ERCC5: variants seen among roughly 807,000 people sequenced by gnomAD.
ERCC5 encodes DNA excision repair protein ERCC-5.
A neutral mutation model predicts 105.6 loss-of-function variants in ERCC5; 68 were observed. That is an observed-to-expected ratio of 0.64 (90% CI 0.53 to 0.79). ERCC5 has a LOEUF of 0.79. Ranked by LOEUF, ERCC5 falls within the 30% of genes least tolerant of loss-of-function variation. ERCC5 has a pLI of 0.00. For synonymous variants in ERCC5, 546 were observed against 526.2 expected (o/e 1.04, Z -0.51); for missense variants, 1,373 against 1,426.7 (o/e 0.96, Z 0.61).
rs570321828 is a variant in ERCC5 at position 102,852,196 on chromosome 13, T to G, written c.167T>G (p.Leu56Arg). The change falls in exon 2 of 15, where the codon CTC (leucine) becomes CGC (arginine). Residue 56 changes from leucine to arginine, a missense_variant. Physicochemically the swap from Leu to Arg is moderately radical, Grantham distance 102. Around this residue, in one of 3 missense-constraint regions of ERCC5, gnomAD observed 1,004 missense variants for 1,059.7 expected, o/e 0.95. Transcript: ENST00000652225. The part of the protein sequence containing the change: ...HGNSIENPHL[L>R]TLFHRLCKLL... ...AACTCAATAGAAAATCCTCATCTTC[T>G]CACTTTGTTTCATCGGCTCTGCAAA... 2.5e-6 allele frequency: 4 copies of G among 1,614,180 alleles called. No individual in the cohort carries two copies. The East Asian group carries it at 6.7e-5, about 27-fold the overall frequency.
intron 14 of ERCC5, chr13:102,874,625 C>T (rs1883138592): frequency 6.6e-6 from 1 of 152,356 alleles, no homozygotes; most frequent in East Asian, 1.9e-4. Context: ...GGGTTCACGC[C>T]ATTCTCCTGC....
intron 12 of ERCC5, among the ~76,000 whole-genome samples, chr13:102,870,776 C>T (rs543610368): frequency 5.4e-4 from 82 of 152,314 alleles, no homozygotes; most frequent in Admixed American, 2.0e-3. Context: ...ATCGGTGAGG[C>T]GGACCCTGGC....
chr13:102,853,823 A>T lies in ERCC5; in HGVS notation c.331A>T (p.Lys111Ter). The change falls in exon 3 of 15, where the codon AAA becomes TAA. Residue 111 changes from lysine (K) to a stop codon, truncating the protein, a stop_gained. Transcript: ENST00000652225. LOFTEE classifies it high-confidence loss of function. ...CAGGAAAACGACAGAGAAGCTTCTG[A>T]AAACATTTTTGAAAAGACAAGCCAT... Reference protein sequence around the residue: ...DSRKTTEKLLKTFLKRQAIKT... With the variant: ...DSRKTTEKLL 6.2e-7 allele frequency: 1 copy of T among 1,614,248 alleles called. No homozygotes were observed. Among genetic ancestry groups the T allele is most frequent in the Non-Finnish European group, 8.5e-7 (1 of 1,180,042 alleles).
chr13:102,861,465 TTAATA>T, intron 6 of ERCC5, 37 bp from the exon 7 acceptor site: 1 of 1,601,298 alleles, frequency 6.2e-7, no homozygotes, highest in Non-Finnish European at 8.5e-7. Context: ...TTATCTGTAT[TTAATA>T]TAAAACAGTA....
In ERCC5 at chr13:102,862,406, G is replaced by A. The variant is rs371251823; in HGVS notation, c.1257G>A (p.Met419Ile). ...CGGGAGGGCCAGGAGCAGAAGAAAT[G>A]CGTATAAACAGCTCCACCGAGAACA... is the stretch of plus-strand genomic sequence containing the variant. ...VQTGGPGAEE[M>I]RINSSTENSD... Residue 419 changes from methionine to isoleucine, a missense_variant, in exon 8 of 15, where the codon ATG (methionine) becomes ATA (isoleucine). This residue lies in a region of ERCC5 where 1,004 missense variants were observed against 1,059.7 expected (regional missense o/e 0.95). Coordinates refer to ENST00000652225, the MANE Select transcript of ERCC5 (RefSeq NM_000123.4). 10 of 1,603,208 alleles carry A rather than the reference G, an allele frequency of 6.2e-6. No individual in the cohort carries two copies. The African/African-American group carries it at 1.3e-4, about 20-fold the overall frequency.
chr13:102,856,006 G>T (rs759787285), intron 4 of ERCC5, 46 bp from the exon 5 acceptor site: 6 of 1,579,014 alleles, frequency 3.8e-6, no homozygotes, highest in Non-Finnish European at 3.5e-6. Flanking sequence ...TTTTGTAAGG[G>T]GTCCTTAAAA....
chr13:102,848,906 T>A (rs1998874), intron 1 of ERCC5, among the ~76,000 whole-genome samples: 88,621 of 151,946 alleles, frequency 0.58, 26,630 homozygotes, highest in African/African-American at 0.66. Context: ...ATAAAAGAAG[T>A]CCTACCTCAG....
At chr13:102,857,461 G>T (rs942699952) in intron 5 of ERCC5, among the ~76,000 whole-genome samples, 7 of 152,178 alleles carry the variant, frequency 4.6e-5, no homozygotes, top group African/African-American at 1.7e-4. Flanking sequence ...GCAGTGACAG[G>T]TCTGTCCTAC....
intron 6 of ERCC5, among the ~76,000 whole-genome samples, chr13:102,859,672 TGTAGGGTGGTGTGGA>T (rs1882550400): frequency 6.6e-6 from 1 of 152,238 alleles, no homozygotes; most frequent in African/African-American, 2.4e-5. Flanking sequence ...AGTGGTGGAC[TGTAGGGTGGTGTGGA>T]GTAGCAGCTT....
chr13:102,861,573 A>G lies in ERCC5; in HGVS notation c.739A>G (p.Ile247Val), dbSNP rs200504271. The G allele has an allele frequency of 1.8e-4, 298 of 1,614,212 alleles. 1 individual carries two copies. Among genetic ancestry groups the G allele is most frequent in the Non-Finnish European group, 2.1e-4 (249 of 1,180,022 alleles). Residue 247 changes from isoleucine to valine, a missense_variant, in exon 7 of 15, where the codon ATA (isoleucine) becomes GTA (valine). Physicochemically the swap from Ile to Val is conservative, Grantham distance 29 (BLOSUM62 3). Around this residue, in one of 3 missense-constraint regions of ERCC5, gnomAD observed 1,004 missense variants for 1,059.7 expected, o/e 0.95. Transcript: ENST00000652225. ...TAAAAAGAACTATCTGAACCAGCAT[A>G]TAGAACATGTCCAAAAGGAAATGAA... is the stretch of plus-strand genomic sequence containing the variant. ...LLKKNYLNQH[I>V]EHVQKEMNQQ...
intron 1 of ERCC5, among the ~76,000 whole-genome samples, chr13:102,847,350 A>G (rs11619749): frequency 0.48 from 69,132 of 144,880 alleles, 17,986 homozygotes; most frequent in Non-Finnish European, 0.6. Context: ...GTGATACCTT[A>G]CACCAATTTC....
At chr13:102,852,825 A>T (rs1006187015) in intron 2 of ERCC5, among the ~76,000 whole-genome samples, 20 of 152,210 alleles carry the variant, frequency 1.3e-4, no homozygotes, top group Admixed American at 2.6e-4. Flanking sequence ...TTGTTCTGGA[A>T]GTAGTTTTAA....
At chr13:102,856,424 C>G (rs1488445996) in intron 5 of ERCC5, among the ~76,000 whole-genome samples, 3 of 152,168 alleles carry the variant, frequency 2.0e-5, no homozygotes, top group Non-Finnish European at 2.9e-5. Flanking sequence ...ACATATCATT[C>G]ATAAATAACT....
chr13:102,850,748 G>T (rs1882171091), intron 1 of ERCC5, among the ~76,000 whole-genome samples: 1 of 152,132 alleles, frequency 6.6e-6, no homozygotes, highest in Non-Finnish European at 1.5e-5. Flanking sequence ...GAGGTATGGG[G>T]TAGAGACGTC....
At position 102,862,806 on chromosome 13, in the gene ERCC5, GA is replaced by G; in HGVS notation, c.1658del (p.Glu553GlyfsTer37). ...LEQQNELCPY[E>X]SKFDSSLLSS... ...GCAGCAGAACGAACTTTGCCCATAT[GA>G]GAGTAAATTCGATTCTTCTCTTCTT... On this transcript the variant is annotated frameshift_variant, in exon 8 of 15. Transcript: ENST00000652225. LOFTEE classifies it high-confidence loss of function. 6.2e-6 allele frequency: 10 copies of G among 1,614,222 alleles called. No individual in the cohort carries two copies. Among genetic ancestry groups the G allele is most frequent in the Non-Finnish European group, 8.5e-6 (10 of 1,180,040 alleles).
At chr13:102,858,229 G>A (rs1415119572) in intron 5 of ERCC5, 46 bp from the exon 6 acceptor site, 1 of 1,612,018 alleles carries the variant, frequency 6.2e-7, no homozygotes, top group Admixed American at 1.7e-5. Flanking sequence ...ATAGAACTAA[G>A]TGTATGAAAT....
chr13:102,846,506 G>A, intron 1 of ERCC5, 152 bp downstream of exon 1: 1 of 714,108 alleles, frequency 1.4e-6, no homozygotes, highest in Non-Finnish European at 2.5e-6. Context: ...GGTTTTCTAA[G>A]TACAGTCGTC....
chr13:102,874,077 C>CT (rs1236705619), intron 14 of ERCC5, among the ~76,000 whole-genome samples: 1 of 152,172 alleles, frequency 6.6e-6, no homozygotes, highest in Non-Finnish European at 1.5e-5. Flanking sequence ...TGACTATCTA[C>CT]TGGAAACATT....
rs2140528184 is a variant in ERCC5, at chr13:102,862,728, C to G, written c.1579C>G (p.Pro527Ala). The G allele has an allele frequency of 1.2e-6, 2 of 1,614,198 alleles. No individual in the cohort carries two copies. The highest frequency in any genetic ancestry group is 1.7e-6 in the Non-Finnish European group (2 of 1,180,034). The change falls in exon 8 of 15, where the codon CCA becomes GCA. Residue 527 changes from proline to alanine, a missense_variant. Transcript: ENST00000652225. ...PNGRELTPAS[P>A]TCTNSVSKNE... Reference sequence around the variant, plus strand: ...TGGAAGGGAACTGACACCGGCATCTCCAACTTGTACAAATTCTGTGTCAAA... The same window carrying G: ...TGGAAGGGAACTGACACCGGCATCTGCAACTTGTACAAATTCTGTGTCAAA...
Sources: allele counts gnomAD v4.1 joint callset (sites outside exome capture counted in the v4.1 genomes callset), GRCh38; gene constraint gnomAD v4.1.1; regional missense constraint gnomAD v4.1.1; transcripts MANE v1.5; gene names NCBI Gene and HGNC (gene_info 2026-07-23, HGNC 2026-07-21).